Variants in PTPRD observed in about 807,000 individuals in gnomAD.
PTPRD encodes protein tyrosine phosphatase receptor type D.
Under a neutral mutation model 214.5 loss-of-function variants are expected in PTPRD, and 34 were observed. That is an observed-to-expected ratio of 0.16 (90% CI 0.12 to 0.21). The LOEUF (loss-of-function observed/expected upper bound fraction) is 0.21. Among genes scored for constraint, PTPRD ranks in the 10% least tolerant of loss-of-function variants. The probability of loss-of-function intolerance (pLI) is 1.00; values close to 1 mark genes in which losing one functional copy is unlikely to be tolerated. For missense variants in PTPRD, 2,545 were observed against 2,398.7 expected (o/e 1.06, Z -1.27); for synonymous variants, 1,128 against 845.7 (o/e 1.33, Z -5.79).
chr9:8,775,079 T>C (rs1449767509), intron 11 of PTPRD, among the ~76,000 whole-genome samples: 5 of 152,148 alleles, frequency 3.3e-5, no homozygotes, highest in Non-Finnish European at 7.3e-5. Context: ...CAGTGATGCC[T>C]TAAGTGATGC....
chr9:10,108,911 T>C (rs1452355793), intron 3 of PTPRD, among the ~76,000 whole-genome samples: 1 of 151,758 alleles, frequency 6.6e-6, no homozygotes, highest in African/African-American at 2.4e-5. Context: ...TTCCATAATA[T>C]AATACTATAC....
At chr9:8,687,378 A>G (rs1244728617) in intron 12 of PTPRD, among the ~76,000 whole-genome samples, 1 of 152,248 alleles carries the variant, frequency 6.6e-6, no homozygotes, top group African/African-American at 2.4e-5. Context: ...AAATAAAACT[A>G]TGGCATTTTC....
intron 4 of PTPRD, among the ~76,000 whole-genome samples, chr9:9,947,610 A>ATATATATAATATATATATTT (rs1566625998): frequency 3.6e-5 from 2 of 55,998 alleles, no homozygotes; most frequent in South Asian, 1.0e-3. Flanking sequence ...TATATATTTT[A>ATATATATAATATATATATTT]TATATATATA....
At chr9:8,698,915 G>C (rs2098000257) in intron 12 of PTPRD, among the ~76,000 whole-genome samples, 1 of 149,850 alleles carries the variant, frequency 6.7e-6, no homozygotes, top group African/African-American at 2.5e-5. Flanking sequence ...CTCAAAACTG[G>C]CATCTACACC....
intron 12 of PTPRD, among the ~76,000 whole-genome samples, chr9:8,651,612 C>T (rs573530318): frequency 6.6e-6 from 1 of 152,260 alleles, no homozygotes; most frequent in Admixed American, 6.5e-5. Flanking sequence ...TCAACATTTC[C>T]ATGACAGCAT....
intron 43 of PTPRD, among the ~76,000 whole-genome samples, chr9:8,333,417 G>A (rs950098735): frequency 6.6e-6 from 1 of 151,386 alleles, no homozygotes; most frequent in East Asian, 2.0e-4. Flanking sequence ...TAACAATACT[G>A]TAATTTTCAA....
At chr9:9,603,969 G>C (rs2093974574) in intron 7 of PTPRD, among the ~76,000 whole-genome samples, 1 of 151,900 alleles carries the variant, frequency 6.6e-6, no homozygotes, top group Non-Finnish European at 1.5e-5. Context: ...CACAAAGCAA[G>C]AAATACAACT....
At chr9:8,965,534 A>G (rs759685090) in intron 11 of PTPRD, among the ~76,000 whole-genome samples, 6 of 152,106 alleles carry the variant, frequency 3.9e-5, no homozygotes, top group Non-Finnish European at 5.9e-5. Context: ...TTGTGTATAT[A>G]TTTAGGATAG....
chr9:9,816,154 A>G (rs759032309), intron 5 of PTPRD, among the ~76,000 whole-genome samples: 1 of 152,190 alleles, frequency 6.6e-6, no homozygotes, highest in Non-Finnish European at 1.5e-5. Flanking sequence ...ATTCTTCAAT[A>G]AAGCTGGAAA....
intron 11 of PTPRD, among the ~76,000 whole-genome samples, chr9:8,944,550 G>T (rs76098591): frequency 0.018 from 2,662 of 152,100 alleles, 82 homozygotes; most frequent in African/African-American, 0.06. Flanking sequence ...GTACATATAC[G>T]CCATGAAGTA....
chr9:9,543,401 T>C (rs1298917099), intron 8 of PTPRD, among the ~76,000 whole-genome samples: 1 of 151,700 alleles, frequency 6.6e-6, no homozygotes, highest in African/African-American at 2.4e-5. Flanking sequence ...GTATAAGGTA[T>C]AAACAATTGC....
chr9:10,042,713 G>C (rs1266136085), intron 3 of PTPRD, among the ~76,000 whole-genome samples: 3 of 151,820 alleles, frequency 2.0e-5, no homozygotes, highest in Non-Finnish European at 2.9e-5. Flanking sequence ...AAGACTGAAG[G>C]CTACATTGGT....
At chr9:8,751,198 C>T (rs1410400577) in intron 11 of PTPRD, among the ~76,000 whole-genome samples, 4 of 152,034 alleles carry the variant, frequency 2.6e-5, no homozygotes, top group Admixed American at 2.0e-4. Flanking sequence ...CTTTTTTTCT[C>T]CCATTTCTCT....
Position 8,518,175 on chromosome 9 carries a change from C to T in PTPRD, c.1216G>A (p.Glu406Lys), listed in dbSNP as rs1354824749. Residue 406 changes from glutamate to lysine, a missense_variant, in exon 21 of 46, where the codon GAA (glutamate) becomes AAA (lysine). Coordinates refer to ENST00000381196, the MANE Select transcript of PTPRD (RefSeq NM_002839.4). ...TCTGAGGTTTGTGTTAGCACAGGTTCGCTGGGAGGCCCCCGCCCAATGTTA... is the reference window on the plus strand; with the variant it reads ...TCTGAGGTTTGTGTTAGCACAGGTTTGCTGGGAGGCCCCCGCCCAATGTTA... ...VNNIGRGPPS[E>K]PVLTQTSEQA... 7 of 1,614,032 alleles carry T rather than the reference C, an allele frequency of 4.3e-6. No individual in the cohort carries two copies. Among genetic ancestry groups the T allele is most frequent in the African/African-American group, 4.0e-5 (3 of 74,930 alleles).
At chr9:8,627,761 C>G (rs2096091411) in intron 14 of PTPRD, among the ~76,000 whole-genome samples, 1 of 151,802 alleles carries the variant, frequency 6.6e-6, no homozygotes, top group African/African-American at 2.4e-5. Flanking sequence ...AATGTCTCCC[C>G]TTACTAGGGT....
At chr9:10,433,015 C>T (rs913358857) in intron 2 of PTPRD, among the ~76,000 whole-genome samples, 3 of 151,854 alleles carry the variant, frequency 2.0e-5, no homozygotes, top group Admixed American at 2.0e-4. Flanking sequence ...ACTAATATAG[C>T]TCCTCCTTTT....
At chr9:9,348,788 ACG>A (rs1308130517) in intron 9 of PTPRD, among the ~76,000 whole-genome samples, 2 of 152,086 alleles carry the variant, frequency 1.3e-5, no homozygotes, top group South Asian at 2.1e-4. Flanking sequence ...GGAGATTCAC[ACG>A]GATTATAACA....
chr9:8,345,568 C>A (rs945953493), intron 39 of PTPRD, among the ~76,000 whole-genome samples: 1 of 151,978 alleles, frequency 6.6e-6, no homozygotes, highest in African/African-American at 2.4e-5. Flanking sequence ...ATCAGATACT[C>A]CCTTGGGGTT....
chr9:9,195,310 G>C (rs946590083), intron 9 of PTPRD, among the ~76,000 whole-genome samples: 2 of 151,854 alleles, frequency 1.3e-5, no homozygotes, highest in South Asian at 4.2e-4. Context: ...CATATGTTTG[G>C]AAAATAAATC....
Sources: allele counts gnomAD v4.1 joint callset (sites outside exome capture counted in the v4.1 genomes callset), GRCh38; gene constraint gnomAD v4.1.1; transcripts MANE v1.5; gene names NCBI Gene and HGNC (gene_info 2026-07-23, HGNC 2026-07-21).